CTNNA1: variants seen among roughly 807,000 people sequenced by gnomAD.
CTNNA1 encodes the protein catenin alpha-1.
CTNNA1 carries 37 observed loss-of-function variants against 98.4 expected under a neutral mutation model. The observed-to-expected ratio is 0.38, with a 90% CI of 0.29 to 0.49. The LOEUF (loss-of-function observed/expected upper bound fraction) is 0.49, where lower values mean the gene tolerates loss of function less well. Among genes scored for constraint, CTNNA1 ranks in the 20% least tolerant of loss-of-function variants. The pLI, the probability that CTNNA1 is intolerant of heterozygous loss-of-function variation, is 0.95. For synonymous variants in CTNNA1, 404 were observed against 413.2 expected, an observed-to-expected ratio of 0.98 and a Z score of 0.27; for missense variants, 761 against 1,147.2, an observed-to-expected ratio of 0.66 and a Z score of 4.86.
chr5:138,924,733 G>A (rs2150290355), intron 12 of CTNNA1, 23 bp downstream of exon 12: 2 of 1,547,734 alleles, frequency 1.3e-6, no homozygotes, highest in Admixed American at 2.0e-5. Flanking sequence ...TCCCTTTCCA[G>A]TGCTCGCACA....
At chr5:138,764,168 G>C (rs1392494595) in intron 1 of CTNNA1, among the ~76,000 whole-genome samples, 1 of 150,374 alleles carries the variant, frequency 6.7e-6, no homozygotes, top group Non-Finnish European at 1.5e-5. Context: ...GTGGGTGACA[G>C]AGCGAGAATC....
rs914119181 is a variant in CTNNA1 at position 138,787,366 on chromosome 5, C to T, written c.301+3994C>T. Among the ~76,000 whole-genome samples the T allele has an allele frequency of 6.6e-5, 10 of 152,028 alleles. No individual in the cohort carries two copies. The East Asian group carries it at 1.2e-3, about 18-fold the overall frequency. The stretch of plus-strand genomic sequence containing the variant: ...CTGGGAGGCGGAGCTGGCAGTGAGC[C>T]GAGACCGTGCCACTGCACTCCAGCC... On this transcript the variant is annotated intron_variant, in intron 3 of 17. Transcript: ENST00000302763.
intron 7 of CTNNA1, chr5:138,875,080 A>G: frequency 1.7e-6 from 1 of 604,122 alleles, no homozygotes; most frequent in Non-Finnish European, 2.8e-6. Flanking sequence ...TTTCCTTAGG[A>G]TATCCCTCTG....
At chr5:138,839,349 C>A (rs557173214) in intron 7 of CTNNA1, among the ~76,000 whole-genome samples, 4 of 151,948 alleles carry the variant, frequency 2.6e-5, no homozygotes, top group Non-Finnish European at 5.9e-5. Flanking sequence ...TACAGGCACC[C>A]GCCATCACGC....
At chr5:138,787,205 C>T (rs182363589) in intron 3 of CTNNA1, among the ~76,000 whole-genome samples, 7 of 152,266 alleles carry the variant, frequency 4.6e-5, no homozygotes, top group East Asian at 1.9e-4. Context: ...CCCAGTTGGG[C>T]GGATCACGAG....
At chr5:138,867,833 A>G (rs1019883649) in intron 7 of CTNNA1, among the ~76,000 whole-genome samples, 5 of 150,944 alleles carry the variant, frequency 3.3e-5, no homozygotes, top group South Asian at 2.1e-4. Context: ...GCTCACTGCA[A>G]CCTCCACCTC....
intron 1 of CTNNA1, among the ~76,000 whole-genome samples, chr5:138,776,664 G>A (rs1479804240): frequency 1.7e-4 from 24 of 139,082 alleles, no homozygotes; most frequent in East Asian, 6.6e-4. Context: ...GCGGCTGGCC[G>A]GGCGGGGGGC....
chr5:138,916,955 G>A (rs1251407147), intron 10 of CTNNA1, among the ~76,000 whole-genome samples: 1 of 151,490 alleles, frequency 6.6e-6, no homozygotes, highest in Non-Finnish European at 1.5e-5. Flanking sequence ...TGTATTTTTA[G>A]TAGAGACGGG....
chr5:138,781,570 A>T (rs969664868), intron 1 of CTNNA1, among the ~76,000 whole-genome samples: 2 of 151,852 alleles, frequency 1.3e-5, no homozygotes, highest in African/African-American at 2.4e-5. Context: ...AAAAAAAAAA[A>T]AGAAAGTAGC....
chr5:138,796,714 G>T (rs1757016620), intron 3 of CTNNA1, among the ~76,000 whole-genome samples: 1 of 152,186 alleles, frequency 6.6e-6, no homozygotes, highest in Non-Finnish European at 1.5e-5. Context: ...ATCCTGAAAT[G>T]AGTAATTTGA....
chr5:138,839,281 G>C (rs1190135773), intron 7 of CTNNA1, among the ~76,000 whole-genome samples: 2 of 151,812 alleles, frequency 1.3e-5, no homozygotes, highest in Admixed American at 6.6e-5. Flanking sequence ...TGGAAGTATA[G>C]AGGCATGATC....
intron 7 of CTNNA1, among the ~76,000 whole-genome samples, chr5:138,845,767 A>G (rs947792809): frequency 6.6e-6 from 1 of 152,212 alleles, no homozygotes; most frequent in African/African-American, 2.4e-5. Flanking sequence ...AGAAAAGGAC[A>G]ACAAATTTAG....
At chr5:138,766,468 A>G (rs1250376200) in intron 1 of CTNNA1, among the ~76,000 whole-genome samples, 3 of 116,274 alleles carry the variant, frequency 2.6e-5, no homozygotes, top group Non-Finnish European at 5.4e-5. Context: ...TTTTTTTTTC[A>G]GAGGGAGTGA....
chr5:138,754,736 C>G (rs1016564767), intron 1 of CTNNA1: 4 of 152,044 alleles, frequency 2.6e-5, no homozygotes, highest in African/African-American at 9.7e-5. Context: ...TAGTTTCTGC[C>G]TAATTATTTA....
At chr5:138,927,069 A>G (rs1355433761) in intron 13 of CTNNA1, among the ~76,000 whole-genome samples, 3 of 152,014 alleles carry the variant, frequency 2.0e-5, no homozygotes, top group Admixed American at 6.5e-5. Flanking sequence ...GAACCTGAAC[A>G]TGTTCTCACC....
intron 7 of CTNNA1, among the ~76,000 whole-genome samples, chr5:138,830,669 G>A (rs548118957): frequency 6.6e-6 from 1 of 152,336 alleles, no homozygotes; most frequent in Non-Finnish European, 1.5e-5. Context: ...GTGAGTGTCA[G>A]AATATAACCA....
At chr5:138,888,687 A>T (rs1035038829) in intron 9 of CTNNA1, among the ~76,000 whole-genome samples, 1 of 151,652 alleles carries the variant, frequency 6.6e-6, no homozygotes, top group Admixed American at 6.6e-5. Flanking sequence ...AGCTGGAATT[A>T]CAGGCACCCG....
At chr5:138,927,281 G>A (rs1197876653) in intron 13 of CTNNA1, among the ~76,000 whole-genome samples, 2 of 152,186 alleles carry the variant, frequency 1.3e-5, no homozygotes, top group African/African-American at 4.8e-5. Context: ...GCTGGCCTAC[G>A]AGGCCTTCTG....
rs539631101 is a variant in CTNNA1, at chr5:138,805,006, A to G, written c.302-5032A>G. Among the ~76,000 whole-genome samples the G allele has an allele frequency of 3.3e-5, 5 of 152,274 alleles. No homozygotes were observed. The East Asian group carries it at 7.7e-4, about 24-fold the overall frequency. On this transcript the variant is annotated intron_variant, in intron 3 of 17. Coordinates refer to ENST00000302763, the MANE Select transcript of CTNNA1 (RefSeq NM_001903.5). The stretch of plus-strand genomic sequence containing the variant: ...CTGGGGTGGCCTCAGGAAGCTTCCA[A>G]TCATGGTGGAAGGGAAATGGGGAGC...
Sources: allele counts gnomAD v4.1 joint callset (sites outside exome capture counted in the v4.1 genomes callset), GRCh38; gene constraint gnomAD v4.1.1; transcripts MANE v1.5; gene names NCBI Gene and HGNC (gene_info 2026-07-23, HGNC 2026-07-21).